ADAMTS17: variants seen among roughly 807,000 people sequenced by gnomAD.
ADAMTS17 encodes the protein A disintegrin and metalloproteinase with thrombospondin motifs 17.
In ADAMTS17, 113 loss-of-function variants were observed where a neutral mutation model predicts 141.5. The ratio of observed to expected loss-of-function variants is 0.80; its 90% confidence interval spans 0.69 to 0.93. ADAMTS17 has a LOEUF of 0.93. Among genes scored for constraint, ADAMTS17 ranks in the 40% least tolerant of loss-of-function variants. ADAMTS17 has a pLI of 0.00. For missense variants in ADAMTS17, 1,659 were observed against 1,517.9 expected, an observed-to-expected ratio of 1.09 and a Z score of -1.54; for synonymous variants, 768 against 630.6, an observed-to-expected ratio of 1.22 and a Z score of -3.27.
At chr15:100,275,545 G>A (rs1002708920) in intron 4 of ADAMTS17, among the ~76,000 whole-genome samples, 2 of 152,216 alleles carry the variant, frequency 1.3e-5, no homozygotes, top group South Asian at 2.1e-4. Flanking sequence ...TTCCAGACAT[G>A]CCTGTCACCT....
chr15:100,265,982 G>A (rs2043701786), intron 4 of ADAMTS17, among the ~76,000 whole-genome samples: 1 of 152,186 alleles, frequency 6.6e-6, no homozygotes, highest in Non-Finnish European at 1.5e-5. Flanking sequence ...ACCAGCCAGT[G>A]CTCTAGCACT....
chr15:100,075,951 TG>T (rs1440914329), intron 15 of ADAMTS17, among the ~76,000 whole-genome samples: 1 of 152,226 alleles, frequency 6.6e-6, no homozygotes, highest in Admixed American at 6.5e-5. Flanking sequence ...TCCTCAATTC[TG>T]CTAAGTCACG....
chr15:99,997,363 G>A lies in ADAMTS17; in HGVS notation c.2796+22C>T. The A allele has an allele frequency of 4.3e-6, 7 of 1,613,384 alleles. No individual in the cohort carries two copies. Among genetic ancestry groups the A allele is most frequent in the Middle Eastern group, 1.6e-4 (1 of 6,062 alleles). On this transcript the variant is annotated intron_variant, in intron 19 of 21. Transcript: ENST00000268070. This position sits in a 1 kb window ranked among gnomAD's most constrained non-coding sequence, Gnocchi z 4.7. ...GTTGGAGTCCCTGTGGCTGAGTCCT[G>A]GTGGCAAGCCCAGGCACCCACCTGT...
At chr15:100,030,180 C>G (rs1272661225) in intron 18 of ADAMTS17, among the ~76,000 whole-genome samples, 1 of 152,184 alleles carries the variant, frequency 6.6e-6, no homozygotes, top group African/African-American at 2.4e-5. Context: ...CTCTCTCCCC[C>G]TGGCCAGGGA....
chr15:100,082,767 T>G (rs908118063), intron 15 of ADAMTS17, among the ~76,000 whole-genome samples: 14 of 6,568 alleles, frequency 2.1e-3, no homozygotes, highest in South Asian at 0.012. Flanking sequence ...CTCGTTAGTC[T>G]TTTTTTTTTT....
intron 3 of ADAMTS17, among the ~76,000 whole-genome samples, chr15:100,319,636 G>A (rs2141898957): frequency 1.3e-5 from 2 of 152,318 alleles, no homozygotes; most frequent in East Asian, 3.9e-4. Flanking sequence ...CTTGAACCCA[G>A]GAAGTGGAGG....
At chr15:100,005,783 C>T (rs1012164773) in intron 18 of ADAMTS17, among the ~76,000 whole-genome samples, 2 of 152,212 alleles carry the variant, frequency 1.3e-5, no homozygotes, top group Non-Finnish European at 2.9e-5. Context: ...CTTAAAACAA[C>T]AGGAATCTAT....
intron 7 of ADAMTS17, among the ~76,000 whole-genome samples, chr15:100,206,040 C>T (rs1596274032): frequency 6.6e-6 from 1 of 152,326 alleles, no homozygotes; most frequent in East Asian, 1.9e-4. Flanking sequence ...CCTCAGTGAG[C>T]CACACCCTCA....
chr15:100,276,000 T>G (rs1257192437), intron 4 of ADAMTS17, among the ~76,000 whole-genome samples: 2 of 15,566 alleles, frequency 1.3e-4, no homozygotes, highest in Non-Finnish European at 2.3e-4. Context: ...GAGACCTAAG[T>G]GGGAGGGTGG....
chr15:100,103,957 TGAA>T (rs1268527788), intron 14 of ADAMTS17, among the ~76,000 whole-genome samples: 1 of 152,172 alleles, frequency 6.6e-6, no homozygotes, highest in Admixed American at 6.5e-5. Context: ...CTTCCTTCAC[TGAA>T]GAAGGTCACA....
chr15:100,185,849 C>T (rs528537657), intron 8 of ADAMTS17, among the ~76,000 whole-genome samples: 9 of 152,302 alleles, frequency 5.9e-5, no homozygotes, highest in East Asian at 3.9e-4. Context: ...AGACTTCCCA[C>T]GCTGAACACA....
chr15:99,995,376 C>A (rs2060779813), intron 19 of ADAMTS17, among the ~76,000 whole-genome samples: 1 of 152,190 alleles, frequency 6.6e-6, no homozygotes, highest in African/African-American at 2.4e-5. Flanking sequence ...GAATGTCCAG[C>A]CTATTTCTTA....
At chr15:100,324,608 T>C (rs1448320974) in intron 3 of ADAMTS17, among the ~76,000 whole-genome samples, 1 of 152,108 alleles carries the variant, frequency 6.6e-6, no homozygotes, top group Non-Finnish European at 1.5e-5. Context: ...TGTCTACAAA[T>C]ACTAAGATTC....
In ADAMTS17 at chr15:100,341,379, A is replaced by G; in HGVS notation, c.110T>C (p.Val37Ala). 3 of 1,016,638 alleles carry G rather than the reference A, an allele frequency of 3.0e-6. No homozygotes were observed. The highest frequency in any genetic ancestry group is 3.5e-6 in the Non-Finnish European group (3 of 852,346). 63.0% of individuals were successfully genotyped at this position (1,016,638 alleles called of 1,614,324 possible). Residue 37 changes from valine to alanine, a missense_variant, in exon 2 of 22, where the codon GTG becomes GCG. Val to Ala is a moderately conservative substitution (Grantham distance 64, BLOSUM62 0). Coordinates refer to ENST00000268070, the MANE Select transcript of ADAMTS17 (RefSeq NM_139057.4). ...AVGDAAADVE[V>A]VLPWRVRPDD... ...GGGGCGCACCCGCCACGGGAGCACC[A>G]CCTCCACGTCGGCCGCCGCGTCGCC... is the stretch of plus-strand genomic sequence containing the variant.
chr15:100,233,856 G>A (rs1054378338), intron 7 of ADAMTS17, among the ~76,000 whole-genome samples: 1 of 152,040 alleles, frequency 6.6e-6, no homozygotes, highest in African/African-American at 2.4e-5. Flanking sequence ...TGAGGCAGAG[G>A]TGGCTTCCCG....
intron 7 of ADAMTS17, among the ~76,000 whole-genome samples, chr15:100,214,848 C>T (rs2041920420): frequency 6.6e-6 from 1 of 152,244 alleles, no homozygotes; most frequent in Non-Finnish European, 1.5e-5. Flanking sequence ...CCTCGATTAT[C>T]ACTATGAGCA....
intron 9 of ADAMTS17, 72 bp downstream of exon 9, chr15:100,155,108 A>G: frequency 1.2e-6 from 2 of 1,608,230 alleles, no homozygotes; most frequent in Non-Finnish European, 1.7e-6. Flanking sequence ...ACACTTGCTG[A>G]GACTCCAATA....
chr15:100,308,655 A>G (rs188864562), intron 3 of ADAMTS17, among the ~76,000 whole-genome samples: 6 of 152,326 alleles, frequency 3.9e-5, no homozygotes, highest in African/African-American at 1.4e-4. Context: ...GAAAAAAGAA[A>G]AAAAAGTAAT....
chr15:100,085,199 C>G (rs1162890662), intron 15 of ADAMTS17, among the ~76,000 whole-genome samples: 1 of 152,068 alleles, frequency 6.6e-6, no homozygotes, highest in African/African-American at 2.4e-5. Context: ...GACAAATGCA[C>G]AAGGCCTCAG....
Sources: gnomAD v4.1 joint callset for allele counts (sites outside exome capture counted in the v4.1 genomes callset) on GRCh38, gnomAD v4.1.1 for gene constraint, Gnocchi (gnomAD v3.1) non-coding constraint, MANE v1.5 for transcripts, NCBI Gene and HGNC (gene_info 2026-07-23, HGNC 2026-07-21) for gene names.